TMPRSS13: variants seen among roughly 807,000 people sequenced by gnomAD.
The protein encoded by TMPRSS13 is transmembrane protease serine 13.
TMPRSS13 carries 50 observed loss-of-function variants against 68.4 expected under a neutral mutation model. The observed-to-expected ratio is 0.73, with a 90% CI of 0.58 to 0.93. The LOEUF is 0.93. TMPRSS13 is among the 40% of genes least tolerant of loss of function. The pLI is 0.00. For missense variants in TMPRSS13, 615 were observed against 729.2 expected (o/e 0.84, Z 1.80); for synonymous variants, 267 against 285.8 (o/e 0.93, Z 0.66).
intron 12 of TMPRSS13, chr11:117,903,220 C>T: frequency 7.4e-7 from 1 of 1,353,698 alleles, no homozygotes; most frequent in Non-Finnish European, 9.6e-7. Flanking sequence ...ACAACAACAA[C>T]AACAAAAAGA....
At chr11:117,911,924 G>A (rs938557521) in intron 5 of TMPRSS13, 64 bp from the exon 6 acceptor site, 101 of 1,345,462 alleles carry the variant, frequency 7.5e-5, no homozygotes, top group Non-Finnish European at 9.6e-5. Context: ...AAGTCCTCCA[G>A]CAGGCTAGAG....
chr11:117,908,563 G>C (rs1396379416), intron 9 of TMPRSS13, 49 bp downstream of exon 9: 1 of 1,539,638 alleles, frequency 6.5e-7, no homozygotes. Flanking sequence ...GGGCTGCAGA[G>C]GGTGCTGGGG....
At chr11:117,923,838 TAAAAAAA>T (rs1555057480) in intron 1 of TMPRSS13, among the ~76,000 whole-genome samples, 1 of 128,156 alleles carries the variant, frequency 7.8e-6, no homozygotes, top group East Asian at 2.4e-4. Flanking sequence ...GTATAATAAT[TAAAAAAA>T]AAAAAAAAAA....
chr11:117,905,204 G>GAC (rs1266078460), intron 10 of TMPRSS13, among the ~76,000 whole-genome samples: 1 of 151,634 alleles, frequency 6.6e-6, no homozygotes, highest in African/African-American at 2.4e-5. Context: ...CTCTAGATAA[G>GAC]ATTATTAAGG....
At chr11:117,908,425 C>A in intron 9 of TMPRSS13, 187 bp downstream of exon 9, 1 of 663,838 alleles carries the variant, frequency 1.5e-6, no homozygotes, top group Non-Finnish European at 2.6e-6. Flanking sequence ...TATTTATAAC[C>A]CTTGGGCTTC....
chr11:117,903,209 GACAACA>G, intron 12 of TMPRSS13: 2 of 1,362,110 alleles, frequency 1.5e-6, no homozygotes, highest in Non-Finnish European at 1.9e-6. Context: ...TTTAAAAAAA[GACAACA>G]ACAACAACAA....
chr11:117,914,630 G>A lies in TMPRSS13; in HGVS notation c.557-116C>T. 2 of 1,526,904 alleles carry A rather than the reference G, an allele frequency of 1.3e-6. No individual in the cohort carries two copies. Among genetic ancestry groups the A allele is most frequent in the Non-Finnish European group, 1.8e-6 (2 of 1,137,520 alleles). 94.6% of individuals were successfully genotyped at this position (1,526,904 alleles called of 1,614,324 possible). On this transcript the variant is annotated intron_variant, in intron 3 of 12. Transcript: ENST00000524993. The surrounding 1 kb of genome is among the most constrained non-coding windows in gnomAD (Gnocchi z 4.2). The stretch of plus-strand genomic sequence containing the variant: ...CGACCTGCAATCCCTCTTGAACTCT[G>A]GGGCTCTCATCCCCCATCTGTATGG...
At chr11:117,924,177 C>CAAAGA (rs11269449) in intron 1 of TMPRSS13, among the ~76,000 whole-genome samples, 8,982 of 105,310 alleles carry the variant, frequency 0.085, 1,429 homozygotes, top group African/African-American at 0.26. Flanking sequence ...GACCCCATCT[C>CAAAGA]AAAGAAAAGA....
At position 117,914,237 on chromosome 11, in the gene TMPRSS13, A is replaced by G. The variant is rs1724577674; in HGVS notation, c.679+155T>C. Reference sequence around the variant, plus strand: ...CACATGCACACACACATACGTGCACACACACATACATGCATACACACAAAC... The same window carrying G: ...CACATGCACACACACATACGTGCACGCACACATACATGCATACACACAAAC... On this transcript the variant is annotated intron_variant, in intron 4 of 12. Transcript: ENST00000524993. This position sits in a 1 kb window ranked among gnomAD's most constrained non-coding sequence, Gnocchi z 4.2. Among the ~76,000 whole-genome samples, 1 of 152,166 alleles carries G rather than the reference A, an allele frequency of 6.6e-6. No individual in the cohort carries two copies. The highest frequency in any genetic ancestry group is 1.5e-5 in the Non-Finnish European group (1 of 68,020).
chr11:117,918,930 G>A (rs2057614465), intron 1 of TMPRSS13, 92 bp from the exon 2 acceptor site: 5 of 1,544,054 alleles, frequency 3.2e-6, no homozygotes, highest in Non-Finnish European at 4.4e-6. Context: ...GAATGCTCTG[G>A]GGCAGCAGCT....
chr11:117,906,078 T>G (rs190239014), intron 9 of TMPRSS13, among the ~76,000 whole-genome samples: 2 of 152,360 alleles, frequency 1.3e-5, no homozygotes, highest in East Asian at 3.9e-4. Context: ...GGGTCTCTCC[T>G]GGTGGAGCCT....
intron 11 of TMPRSS13, 27 bp from the exon 12 acceptor site, chr11:117,903,834 A>C: frequency 6.2e-7 from 1 of 1,605,978 alleles, no homozygotes; most frequent in East Asian, 2.2e-5. Context: ...GCACATTCGC[A>C]GGATGGGACA....
rs923083039 is a variant in TMPRSS13 at position 117,914,212 on chromosome 11, C to T, written c.679+180G>A. Among the ~76,000 whole-genome samples, 1 of 152,122 alleles carries T rather than the reference C, an allele frequency of 6.6e-6. No homozygotes were observed. Among genetic ancestry groups the T allele is most frequent in the Non-Finnish European group, 1.5e-5 (1 of 68,008 alleles). ...ATTGGGTCTGGATTACATACATGCA[C>T]ACATGCACACACACATACGTGCACA... On this transcript the variant is annotated intron_variant, in intron 4 of 12. Transcript: ENST00000524993. This position sits in a 1 kb window ranked among gnomAD's most constrained non-coding sequence, Gnocchi z 4.2.
chr11:117,920,139 C>T (rs59547833), intron 1 of TMPRSS13, among the ~76,000 whole-genome samples: 6,441 of 152,240 alleles, frequency 0.042, 419 homozygotes, highest in African/African-American at 0.14. Context: ...AGAGACCAGG[C>T]TGGAATTTGG....
chr11:117,910,243 A>G (rs2057508325), intron 7 of TMPRSS13, among the ~76,000 whole-genome samples: 1 of 151,696 alleles, frequency 6.6e-6, no homozygotes, highest in Non-Finnish European at 1.5e-5. Flanking sequence ...CTTCTCCTTC[A>G]CTCATTCTTT....
In TMPRSS13 at chr11:117,914,187, A is replaced by G. The variant is rs75204992; in HGVS notation, c.679+205T>C. ...AATGGGAGGCAATGGACAGGGAATCATTGGGTCTGGATTACATACATGCAC... is the reference window on the plus strand; with the variant it reads ...AATGGGAGGCAATGGACAGGGAATCGTTGGGTCTGGATTACATACATGCAC... On this transcript the variant is annotated intron_variant, in intron 4 of 12. Transcript: ENST00000524993. This position sits in a 1 kb window ranked among gnomAD's most constrained non-coding sequence, Gnocchi z 4.2. Among the ~76,000 whole-genome samples the G allele has an allele frequency of 0.071, 10,731 of 152,190 alleles. 460 individuals are homozygous for G. The highest frequency in any genetic ancestry group is 0.12 in the East Asian group (628 of 5,176).
rs2057515290 is a variant in TMPRSS13 at position 117,910,754 on chromosome 11, CA to C, written c.903-5del. 1 of 1,605,694 alleles carries C rather than the reference CA, an allele frequency of 6.2e-7. No individual in the cohort carries two copies. Among genetic ancestry groups the C allele is most frequent in the Non-Finnish European group, 8.5e-7 (1 of 1,175,258 alleles). On this transcript the variant is annotated splice_polypyrimidine_tract_variant and splice_region_variant and intron_variant, in intron 6 of 12. Transcript: ENST00000524993. ...CCGCTGGGAAGGGCATTCAGACCTG[CA>C]GGGGGAGACACAGAAAGTGGGAAAA...
At position 117,908,688 on chromosome 11, in the gene TMPRSS13, G is replaced by A; in HGVS notation, c.1206C>T (p.Ile402=). Residue 402 remains isoleucine, a synonymous_variant, in exon 9 of 13, where the codon ATC becomes ATT. Coordinates refer to ENST00000524993, the MANE Select transcript of TMPRSS13 (RefSeq NM_001077263.3). Reference sequence around the variant, plus strand: ...CCTCCTCATCGGTGTAATTGCTGTTGATGATGATCTCGGCAATGGAGGCTG... The same window carrying A: ...CCTCCTCATCGGTGTAATTGCTGTTAATGATGATCTCGGCAATGGAGGCTG... ...PEAASIAEII[I]NSNYTDEEDD... is the part of the protein sequence containing the mutation. 6.2e-7 allele frequency: 1 copy of A among 1,601,402 alleles called. No homozygotes were observed. The highest frequency in any genetic ancestry group is 1.1e-5 in the South Asian group (1 of 87,884).
intron 1 of TMPRSS13, 54 bp downstream of exon 1, chr11:117,929,233 C>G (rs1387933121): frequency 1.3e-6 from 2 of 1,535,684 alleles, no homozygotes; most frequent in Non-Finnish European, 1.8e-6. Flanking sequence ...CCAGCCTCAG[C>G]CCTGCTTCCT....
Sources: gnomAD v4.1 joint callset for allele counts (sites outside exome capture counted in the v4.1 genomes callset) on GRCh38, gnomAD v4.1.1 for gene constraint, Gnocchi (gnomAD v3.1) non-coding constraint, MANE v1.5 for transcripts, NCBI Gene and HGNC (gene_info 2026-07-23, HGNC 2026-07-21) for gene names.